ZNF282: variants seen among roughly 807,000 people sequenced by gnomAD.
ZNF282 encodes HTLV-I U5 repressive element-binding protein 1.
Under a neutral mutation model 61.9 loss-of-function variants are expected in ZNF282, and 30 were observed. The ratio of observed to expected loss-of-function variants is 0.48; its 90% CI spans 0.36 to 0.66. ZNF282 has a LOEUF of 0.66. ZNF282 is among the 30% of genes least tolerant of loss of function. The pLI is 0.00. For synonymous variants in ZNF282, 396 were observed against 405.0 expected, an observed-to-expected ratio of 0.98 and a Z score of 0.27; for missense variants, 788 against 941.4, an observed-to-expected ratio of 0.84 and a Z score of 2.13.
In ZNF282 at chr7:149,198,923, T is replaced by C. The variant is rs935972285; in HGVS notation, c.585+171T>C. Among the ~76,000 whole-genome samples, 1 of 152,242 alleles carries C rather than the reference T, an allele frequency of 6.6e-6. No individual in the cohort carries two copies. The highest frequency in any genetic ancestry group is 2.4e-5 in the African/African-American group (1 of 41,456). ...TGAAACAACCTGGTCTTGGACGTTC[T>C]ACCCCAGCAAGGCTCACTCCATTCA... On this transcript the variant is annotated intron_variant, in intron 2 of 7. Coordinates refer to ENST00000610704, the MANE Select transcript of ZNF282 (RefSeq NM_003575.4). The surrounding 1 kb of genome is among the most constrained non-coding windows in gnomAD (Gnocchi z 4.3).
chr7:149,224,179 G>T lies in ZNF282; in HGVS notation c.1548G>T (p.Lys516Asn). 6.2e-7 allele frequency: 1 copy of T among 1,600,848 alleles called. No individual in the cohort carries two copies. Residue 516 changes from lysine (K) to asparagine (N), a missense_variant, in exon 8 of 8, where the codon AAG (lysine) becomes AAT (asparagine). This residue lies in a region of ZNF282 where 559 missense variants were observed against 642.0 expected (regional missense o/e 0.87). Transcript: ENST00000610704. ...TCCTCCTGCACGGCGCCCGCAGCAA[G>T]CCCTACTCGTGCCCCGAGTGCGGCA... ...RSLLLHGARS[K>N]PYSCPECGKS...
chr7:149,214,812 G>A (rs144669776), intron 7 of ZNF282, among the ~76,000 whole-genome samples: 24 of 152,252 alleles, frequency 1.6e-4, no homozygotes, highest in African/African-American at 5.5e-4. Context: ...CAGCCTGGGC[G>A]AGAGCGAGAT....
rs868660023 is a variant in ZNF282 at position 149,222,938 on chromosome 7, G to A, written c.1181-874G>A. ...TGGGATTACAGGCGTGAGCCACTGC[G>A]CCTGGCCTTTTTAAATTGTATTTTA... On this transcript the variant is annotated intron_variant, in intron 7 of 7. Coordinates refer to ENST00000610704, the MANE Select transcript of ZNF282 (RefSeq NM_003575.4). 2.8e-4 allele frequency among the ~76,000 whole-genome samples: 42 copies of A among 151,858 alleles called. 1 individual carries two copies. Among genetic ancestry groups the A allele is most frequent in the Middle Eastern group, 6.8e-3 (2 of 292 alleles).
At chr7:149,206,013 T>C (rs902883819) in intron 2 of ZNF282, among the ~76,000 whole-genome samples, 3 of 152,124 alleles carry the variant, frequency 2.0e-5, no homozygotes, top group Admixed American at 6.5e-5. Context: ...GTGGCTGAAG[T>C]GAGTGATTGC....
chr7:149,204,449 C>T (rs915739813), intron 2 of ZNF282, among the ~76,000 whole-genome samples: 2 of 151,870 alleles, frequency 1.3e-5, no homozygotes, highest in South Asian at 2.1e-4. Flanking sequence ...GAGGGAGCAG[C>T]GTGTTGAGGG....
Position 149,226,148 on chromosome 7 carries a change from A to ATT in ZNF282, c.*1502_*1503dup, listed in dbSNP as rs1796371743. ...TTGCCGTGCAAAGGGAATTCTTGAC[A>ATT]TTAAATAAAAGGTATCCAGATTGCA... On this transcript the variant is annotated 3_prime_UTR_variant, in exon 8 of 8. Transcript: ENST00000610704. 6.5e-6 allele frequency: 1 copy of ATT among 152,708 alleles called. No individual in the cohort carries two copies. The highest frequency in any genetic ancestry group is 1.9e-4 in the East Asian group (1 of 5,198). 9.5% of individuals were successfully genotyped at this position (152,708 alleles called of 1,614,324 possible). A position where few individuals can be genotyped will look rare whatever the true frequency, so the allele number is the denominator to read the frequency against.
At chr7:149,215,531 CG>C (rs1371863436) in intron 7 of ZNF282, among the ~76,000 whole-genome samples, 3 of 152,136 alleles carry the variant, frequency 2.0e-5, no homozygotes, top group Non-Finnish European at 4.4e-5. Flanking sequence ...TTAAACTTCA[CG>C]TAAGAGCGGA....
intron 7 of ZNF282, 43 bp from the exon 8 acceptor site, chr7:149,223,769 C>A: frequency 6.9e-7 from 1 of 1,453,730 alleles, no homozygotes; most frequent in Non-Finnish European, 9.0e-7. Flanking sequence ...GGGGTCCTGG[C>A]CGAGAACCCC....
chr7:149,213,032 A>C (rs926326272), intron 6 of ZNF282, among the ~76,000 whole-genome samples: 1 of 152,180 alleles, frequency 6.6e-6, no homozygotes, highest in Non-Finnish European at 1.5e-5. Context: ...GGGAGGGTCT[A>C]GGCATTCAGG....
intron 7 of ZNF282, among the ~76,000 whole-genome samples, chr7:149,220,922 T>TG (rs1563181054): frequency 2.2e-5 from 1 of 46,436 alleles, no homozygotes; most frequent in Non-Finnish European, 6.7e-5. Flanking sequence ...GGAGGGTTTT[T>TG]TTTTTTTTTT....
At chr7:149,201,921 C>T (rs559175530) in intron 2 of ZNF282, among the ~76,000 whole-genome samples, 1 of 152,226 alleles carries the variant, frequency 6.6e-6, no homozygotes. Flanking sequence ...ACGTGCGCCC[C>T]CAGCTCAGGG....
At chr7:149,217,933 G>T (rs1413990166) in intron 7 of ZNF282, among the ~76,000 whole-genome samples, 1 of 151,868 alleles carries the variant, frequency 6.6e-6, no homozygotes, top group Non-Finnish European at 1.5e-5. Context: ...TTAGAGTTTG[G>T]ATTTTATTCT....
chr7:149,223,742 C>A, intron 7 of ZNF282, 70 bp from the exon 8 acceptor site: 1 of 1,384,494 alleles, frequency 7.2e-7, no homozygotes, highest in Non-Finnish European at 9.3e-7. Flanking sequence ...CCCTGGGCCC[C>A]CCTTCGGGAG....
Position 149,219,147 on chromosome 7 carries a change from G to T in ZNF282, c.1181-4665G>T, listed in dbSNP as rs761755323. 1.5e-4 allele frequency among the ~76,000 whole-genome samples: 23 copies of T among 152,240 alleles called. 1 individual carries two copies. The South Asian group carries it at 2.1e-3, about 14-fold the overall frequency. ...TTGGGCCTCAAACCCTAAACCTTTA[G>T]TCACGTGCTTGGTCTTTTCAGCATG... On this transcript the variant is annotated intron_variant, in intron 7 of 7. Transcript: ENST00000610704.
chr7:149,195,869 C>T, intron 1 of ZNF282, 115 bp downstream of exon 1: 2 of 988,682 alleles, frequency 2.0e-6, no homozygotes, highest in Non-Finnish European at 2.5e-6. Context: ...TCCCAGCTTC[C>T]GCGCCCAGGC....
chr7:149,214,064 C>T (rs184742365), intron 7 of ZNF282, among the ~76,000 whole-genome samples: 1 of 152,344 alleles, frequency 6.6e-6, no homozygotes, highest in East Asian at 1.9e-4. Context: ...TATTCTCTCA[C>T]AGTTCCACAG....
At chr7:149,223,286 T>G (rs1027880877) in intron 7 of ZNF282, among the ~76,000 whole-genome samples, 6 of 150,478 alleles carry the variant, frequency 4.0e-5, no homozygotes, top group East Asian at 1.9e-4. Flanking sequence ...AAAGATTTGT[T>G]TTTTTTTTTT....
Position 149,195,610 on chromosome 7 carries a change from G to A in ZNF282, c.21G>A (p.Arg7=), listed in dbSNP as rs1795801024. The A allele has an allele frequency of 1.9e-6, 3 of 1,611,038 alleles. No individual in the cohort carries two copies. Among genetic ancestry groups the A allele is most frequent in the South Asian group, 2.2e-5 (2 of 90,858 alleles). Residue 7 remains arginine, a synonymous_variant, in exon 1 of 8, where the codon CGG becomes CGA. Transcript: ENST00000610704. The part of the protein sequence containing the change: MQFVST[R]PQPQQLGIQG... ...CCAGGATGCAGTTTGTGTCAACACG[G>A]CCGCAGCCTCAGCAGCTGGGCATCC... is the stretch of plus-strand genomic sequence containing the variant.
At chr7:149,216,143 GGCT>G in intron 7 of ZNF282, among the ~76,000 whole-genome samples, 1 of 152,148 alleles carries the variant, frequency 6.6e-6, no homozygotes, top group Non-Finnish European at 1.5e-5. Context: ...CTGCCGCTCA[GGCT>G]GGAGTGCAGT....
Sources: gnomAD v4.1 joint callset for allele counts (sites outside exome capture counted in the v4.1 genomes callset) on GRCh38, gnomAD v4.1.1 for gene constraint, gnomAD v4.1.1 regional missense constraint, Gnocchi (gnomAD v3.1) non-coding constraint, MANE v1.5 for transcripts, NCBI Gene and HGNC (gene_info 2026-07-23, HGNC 2026-07-21) for gene names.